The following OR2J3 variants were observed in gnomAD, a reference collection of about 807,000 sequenced individuals.
OR2J3 encodes the protein olfactory receptor family 2 subfamily J member 3, also known as olfactory receptor 2J3.
OR2J3 carries 13 observed loss-of-function variants against 18.5 expected under a neutral mutation model. That is an observed-to-expected ratio of 0.70 (90% confidence interval 0.46 to 1.12). OR2J3 has a LOEUF of 1.12. Among genes scored for constraint, OR2J3 ranks in the 50% most tolerant of loss-of-function variants. The pLI is 0.00. For missense variants in OR2J3, 321 were observed against 371.6 expected (o/e 0.86, Z 1.12); for synonymous variants, 142 against 140.6 (o/e 1.01, Z -0.07).
chr6:29,112,852 T>C lies in OR2J3; in HGVS notation c.*26T>C, dbSNP rs768086706. The stretch of plus-strand genomic sequence containing the variant: ...GCCTGTGTATGTGTCATATTAACAA[T>C]ATAACAGAGTCTCCCCTCACAATGA... On this transcript the variant is annotated 3_prime_UTR_variant, in exon 4 of 4. Transcript: ENST00000641151. 2 of 1,568,060 alleles carry C rather than the reference T, an allele frequency of 1.3e-6. No homozygotes were observed. Among genetic ancestry groups the C allele is most frequent in the East Asian group, 2.2e-5 (1 of 44,508 alleles).
At position 29,113,784 on chromosome 6, in the gene OR2J3, A is replaced by T. The variant is rs532581832; in HGVS notation, c.*958A>T. On this transcript the variant is annotated 3_prime_UTR_variant, in exon 4 of 4. Transcript: ENST00000641151. ...ATTTGAGTATTTATGGTTAATAAGT[A>T]TATTATGTATGTCAATATATGTGTT... 2 of 152,308 alleles carry T rather than the reference A, an allele frequency of 1.3e-5. No homozygotes were observed. The highest frequency in any genetic ancestry group is 1.3e-4 in the Admixed American group (2 of 15,292). The allele number at this position is 152,308 out of a possible 1,614,324, so 9.4% of individuals were successfully genotyped here.
At chr6:29,110,445 T>G (rs1762082662) in intron 3 of OR2J3, among the ~76,000 whole-genome samples, 1 of 152,192 alleles carries the variant, frequency 6.6e-6, no homozygotes, top group Admixed American at 6.5e-5. Flanking sequence ...TTATTGTGAT[T>G]GCAATGATTA....
In OR2J3 at chr6:29,113,115, G is replaced by A. The variant is rs1045350682; in HGVS notation, c.*289G>A. ...TATCCAAGACAGACATTTCTCGATT[G>A]AAAATAAGGCATGAAATTTGTTGTA... On this transcript the variant is annotated 3_prime_UTR_variant, in exon 4 of 4. Transcript: ENST00000641151. 1.7e-4 allele frequency: 56 copies of A among 332,898 alleles called. No homozygotes were observed. Among genetic ancestry groups the A allele is most frequent in the Non-Finnish European group, 2.7e-4 (49 of 183,854 alleles). The allele number at this position is 332,898 out of a possible 1,614,324, so 20.6% of individuals were successfully genotyped here. A position where few individuals can be genotyped will look rare whatever the true frequency, so the allele number is the denominator to read the frequency against.
At position 29,113,298 on chromosome 6, in the gene OR2J3, T is replaced by G. The variant is rs1351165258; in HGVS notation, c.*472T>G. On this transcript the variant is annotated 3_prime_UTR_variant, in exon 4 of 4. Transcript: ENST00000641151. Reference sequence around the variant, plus strand: ...ATACACAGCAAAATACTTCAAATCCTTTTCTCCAACAATGCTTATTCTTTG... The same window carrying G: ...ATACACAGCAAAATACTTCAAATCCGTTTCTCCAACAATGCTTATTCTTTG... 1.3e-5 allele frequency: 2 copies of G among 156,572 alleles called. No individual in the cohort carries two copies. The highest frequency in any genetic ancestry group is 2.8e-5 in the Non-Finnish European group (2 of 70,938). 9.7% of individuals were successfully genotyped at this position (156,572 alleles called of 1,614,324 possible).
chr6:29,112,912 A>C lies in OR2J3; in HGVS notation c.*86A>C. ...CTATTTATTTATCAACCATTCTTTT[A>C]TTCACTCACTCTGTTAGCACTTGCT... On this transcript the variant is annotated 3_prime_UTR_variant, in exon 4 of 4. Coordinates refer to ENST00000641151, the MANE Select transcript of OR2J3 (RefSeq NM_001005216.4). 6.9e-7 allele frequency: 1 copy of C among 1,449,060 alleles called. No homozygotes were observed. The highest frequency in any genetic ancestry group is 9.1e-7 in the Non-Finnish European group (1 of 1,093,852). The allele number at this position is 1,449,060 out of a possible 1,614,324, so 89.8% of individuals were successfully genotyped here.
rs755335904 is a variant in OR2J3 at position 29,112,295 on chromosome 6, CA to C, written c.406del (p.Thr136LeufsTer18). 78 of 1,613,964 alleles carry C rather than the reference CA, an allele frequency of 4.8e-5. No homozygotes were observed. In the South Asian group the frequency reaches 8.0e-4, roughly 17 times the overall value. On this transcript the variant is annotated frameshift_variant, in exon 4 of 4. Transcript: ENST00000641151. LOFTEE classifies it high-confidence loss of function. ...CAGCTGTGTGTAGACCTTTGCATTACACTGTCCTCATGCACCCTCGTTTCTG... is the reference window on the plus strand; with the variant it reads ...CAGCTGTGTGTAGACCTTTGCATTACCTGTCCTCATGCACCCTCGTTTCTG... ...YAAVCRPLHY[T>X]VLMHPRFCHL... is the part of the protein sequence containing the mutation.
Position 29,112,844 on chromosome 6 carries a change from A to G in OR2J3, c.*18A>G. 6.3e-7 allele frequency: 1 copy of G among 1,591,078 alleles called. No individual in the cohort carries two copies. ...GGGAATGAGCCTGTGTATGTGTCAT[A>G]TTAACAATATAACAGAGTCTCCCCT... On this transcript the variant is annotated 3_prime_UTR_variant, in exon 4 of 4. Coordinates refer to ENST00000641151, the MANE Select transcript of OR2J3 (RefSeq NM_001005216.4).
rs759093133 is a variant in OR2J3 at position 29,112,684 on chromosome 6, C to A, written c.794C>A (p.Pro265Gln). The stretch of plus-strand genomic sequence containing the variant: ...CCGGCCATGTGCATGTATCTCCAGC[C>A]ACCATCAGGAAATTCTCAAGATCAA... Reference protein sequence around the residue: ...FIPAMCMYLQPPSGNSQDQGK... With the variant: ...FIPAMCMYLQQPSGNSQDQGK... Residue 265 changes from proline (P) to glutamine (Q), a missense_variant, in exon 4 of 4, where the codon CCA (proline) becomes CAA (glutamine). Pro to Gln is a moderately conservative substitution (Grantham distance 76). Coordinates refer to ENST00000641151, the MANE Select transcript of OR2J3 (RefSeq NM_001005216.4). The A allele has an allele frequency of 6.2e-7, 1 of 1,614,006 alleles. No individual in the cohort carries two copies. Among genetic ancestry groups the A allele is most frequent in the Non-Finnish European group, 8.5e-7 (1 of 1,179,958 alleles).
Position 29,112,170 on chromosome 6 carries a change from A to T in OR2J3, c.280A>T (p.Thr94Ser), listed in dbSNP as rs757920317. ...GGTCAATCTCTGGGGCCCGGAAAAGACCATCTCTTATGCTGGTTGCATGAT... is the reference window on the plus strand; with the variant it reads ...GGTCAATCTCTGGGGCCCGGAAAAGTCCATCTCTTATGCTGGTTGCATGAT... ...LLVNLWGPEK[T>S]ISYAGCMIQL... The change falls in exon 4 of 4, where the codon ACC becomes TCC. Residue 94 changes from threonine (T) to serine (S), a missense_variant. By Grantham distance (58) the Thr-to-Ser change is moderately conservative (BLOSUM62 1). Coordinates refer to ENST00000641151, the MANE Select transcript of OR2J3 (RefSeq NM_001005216.4). 6.2e-7 allele frequency: 1 copy of T among 1,614,030 alleles called. No homozygotes were observed. The highest frequency in any genetic ancestry group is 2.2e-5 in the East Asian group (1 of 44,872).
intron 3 of OR2J3, among the ~76,000 whole-genome samples, chr6:29,110,847 C>G (rs1581912065): frequency 7.5e-6 from 1 of 133,324 alleles, no homozygotes; most frequent in South Asian, 2.5e-4. Flanking sequence ...TATCAACTAT[C>G]TATCTATTTA....
At chr6:29,109,150 C>T (rs1489578788) in intron 3 of OR2J3, among the ~76,000 whole-genome samples, 1 of 152,126 alleles carries the variant, frequency 6.6e-6, no homozygotes, top group African/African-American at 2.4e-5. Flanking sequence ...TTTTCATCTT[C>T]CCTCAAGGGC....
Position 29,112,310 on chromosome 6 carries a change from C to T in OR2J3, c.420C>T (p.His140=), listed in dbSNP as rs368929557. Residue 140 remains histidine (H), a synonymous_variant, in exon 4 of 4, where the codon CAC becomes CAT. Coordinates refer to ENST00000641151, the MANE Select transcript of OR2J3 (RefSeq NM_001005216.4). ...CTTTGCATTACACTGTCCTCATGCA[C>T]CCTCGTTTCTGCCACCTGCTGGCTG... ...CRPLHYTVLM[H]PRFCHLLAVA... 1 of 1,614,120 alleles carries T rather than the reference C, an allele frequency of 6.2e-7. No homozygotes were observed. The highest frequency in any genetic ancestry group is 8.5e-7 in the Non-Finnish European group (1 of 1,180,038).
chr6:29,109,145 A>G (rs961103471), intron 3 of OR2J3, among the ~76,000 whole-genome samples: 4 of 152,220 alleles, frequency 2.6e-5, no homozygotes, highest in Non-Finnish European at 4.4e-5. Context: ...GAAAATTTTC[A>G]TCTTCCCTCA....
Position 29,112,361 on chromosome 6 carries a change from C to A in OR2J3, c.471C>A (p.Thr157=), listed in dbSNP as rs779038089. Residue 157 remains threonine, a synonymous_variant, in exon 4 of 4, where the codon ACC becomes ACA. Coordinates refer to ENST00000641151, the MANE Select transcript of OR2J3 (RefSeq NM_001005216.4). The part of the protein sequence containing the change: ...LAVASWVSGF[T]NSALHSSFTF... Reference sequence around the variant, plus strand: ...TGGCTTCTTGGGTAAGTGGTTTTACCAACTCAGCACTTCATTCCTCCTTCA... The same window carrying A: ...TGGCTTCTTGGGTAAGTGGTTTTACAAACTCAGCACTTCATTCCTCCTTCA... 2 of 1,614,090 alleles carry A rather than the reference C, an allele frequency of 1.2e-6. No individual in the cohort carries two copies. Among genetic ancestry groups the A allele is most frequent in the East Asian group, 2.2e-5 (1 of 44,872 alleles).
intron 3 of OR2J3, among the ~76,000 whole-genome samples, chr6:29,110,311 C>T (rs768318147): frequency 2.6e-5 from 4 of 152,078 alleles, no homozygotes; most frequent in Non-Finnish European, 5.9e-5. Flanking sequence ...CATTTTGAGT[C>T]CAAGTAAACA....
At position 29,112,517 on chromosome 6, in the gene OR2J3, T is replaced by G; in HGVS notation, c.627T>G (p.Phe209Leu). The change falls in exon 4 of 4, where the codon TTT becomes TTG. Residue 209 changes from phenylalanine to leucine, a missense_variant. By Grantham distance (22) the Phe-to-Leu change is conservative. Transcript: ENST00000641151. ...CCCTCATGATCACAAGCTCCATATT[T>G]GTTCTCATACCTCTCATCCTCATTC... ...ELTLMITSSI[F>L]VLIPLILILT... 2 of 1,614,184 alleles carry G rather than the reference T, an allele frequency of 1.2e-6. No individual in the cohort carries two copies. The highest frequency in any genetic ancestry group is 2.2e-5 in the South Asian group (2 of 91,084).
chr6:29,112,163 G>A lies in OR2J3; in HGVS notation c.273G>A (p.Pro91=), dbSNP rs747705634. Residue 91 remains proline, a synonymous_variant, in exon 4 of 4, where the codon CCG becomes CCA. Transcript: ENST00000641151. Reference sequence around the variant, plus strand: ...AGTTGCTGGTCAATCTCTGGGGCCCGGAAAAGACCATCTCTTATGCTGGTT... The same window carrying A: ...AGTTGCTGGTCAATCTCTGGGGCCCAGAAAAGACCATCTCTTATGCTGGTT... The part of the protein sequence containing the change: ...IPQLLVNLWG[P]EKTISYAGCM... The A allele has an allele frequency of 4.0e-5, 65 of 1,614,048 alleles. No homozygotes were observed. In the Admixed American group the frequency reaches 8.3e-4, roughly 21 times the overall value.
intron 3 of OR2J3, among the ~76,000 whole-genome samples, chr6:29,110,319 A>G (rs973096827): frequency 6.6e-6 from 1 of 152,214 alleles, no homozygotes; most frequent in African/African-American, 2.4e-5. Context: ...GTCCAAGTAA[A>G]CAAATCACAA....
intron 3 of OR2J3, 24 bp from the exon 4 acceptor site, chr6:29,111,857 T>A (rs374137226): frequency 1.3e-6 from 2 of 1,555,004 alleles, no homozygotes; most frequent in Non-Finnish European, 1.7e-6. Context: ...TTTTTTGAGT[T>A]TACCTTTCTT....
Sources: allele counts gnomAD v4.1 joint callset (sites outside exome capture counted in the v4.1 genomes callset), GRCh38; gene constraint gnomAD v4.1.1; transcripts MANE v1.5; gene names NCBI Gene and HGNC (gene_info 2026-07-23, HGNC 2026-07-21).